AFF2: variants seen among roughly 807,000 people sequenced by gnomAD.
AFF2 encodes AF4/FMR2 family member 2.
In AFF2, 14 loss-of-function variants were observed where a neutral mutation model predicts 76.9. The observed-to-expected ratio is 0.18, with a 90% CI of 0.12 to 0.28. The LOEUF is 0.28. Ranked by LOEUF, AFF2 falls within the 10% of genes least tolerant of loss-of-function variation. AFF2 has a pLI of 1.00. For missense variants in AFF2, 868 were observed against 1,001.1 expected (o/e 0.87, Z 1.79); for synonymous variants, 398 against 366.7 (o/e 1.09, Z -0.98).
chrX:148,752,126 AG>A (rs1374645347), intron 3 of AFF2, among the ~76,000 whole-genome samples: 1 of 110,906 alleles, frequency 9.0e-6, no homozygotes, highest in East Asian at 2.9e-4. Context: ...CTAATACCAT[AG>A]TATTGAGGGT....
intron 1 of AFF2, among the ~76,000 whole-genome samples, chrX:148,503,362 C>T (rs1557232108): frequency 8.9e-6 from 1 of 111,831 alleles, no homozygotes; most frequent in East Asian, 2.8e-4. Flanking sequence ...GTTACGTGTT[C>T]ATTATATGTT....
chrX:148,954,402 C>T (rs1300854638), intron 10 of AFF2, among the ~76,000 whole-genome samples: 1 of 111,299 alleles, frequency 9.0e-6, no homozygotes, highest in East Asian at 2.8e-4. Flanking sequence ...CCTCAACCCC[C>T]GGCTCTTCAT....
chrX:148,802,048 C>G (rs1478303588), intron 3 of AFF2, among the ~76,000 whole-genome samples: 1 of 112,313 alleles, frequency 8.9e-6, no homozygotes, highest in African/African-American at 3.2e-5. Context: ...TGACCCCATG[C>G]TTGCTTCCAT....
At chrX:148,893,119 A>G (rs1257585072) in intron 8 of AFF2, among the ~76,000 whole-genome samples, 1 of 112,483 alleles carries the variant, frequency 8.9e-6, no homozygotes, top group Non-Finnish European at 1.9e-5. Flanking sequence ...ATACATTGTC[A>G]TGCTCAAACT....
chrX:148,792,252 C>A (rs1160410284), intron 3 of AFF2, among the ~76,000 whole-genome samples: 1 of 111,895 alleles, frequency 8.9e-6, no homozygotes, highest in Non-Finnish European at 1.9e-5. Context: ...GCCTGGTACA[C>A]CTAAATGCTC....
chrX:148,547,511 G>A (rs1557238319), intron 1 of AFF2: 1 of 112,200 alleles, frequency 8.9e-6, no homozygotes, highest in Admixed American at 9.4e-5. Flanking sequence ...CAGACAGGCA[G>A]TACCAAAATG....
At chrX:148,728,154 C>T (rs903173505) in intron 3 of AFF2, among the ~76,000 whole-genome samples, 38 of 112,480 alleles carry the variant, frequency 3.4e-4, no homozygotes, top group African/African-American at 1.1e-3. Context: ...ACAGCGTCAT[C>T]GGGTTTACTG....
rs937714682 is a variant in AFF2 at position 148,536,132 on chromosome X, C to A, written c.47+34988C>A. Among the ~76,000 whole-genome samples, 3 of 109,676 alleles carry A rather than the reference C, an allele frequency of 2.7e-5. No individual in the cohort carries two copies. The Admixed American group carries it at 2.9e-4, about 11-fold the overall frequency. On this transcript the variant is annotated intron_variant, in intron 1 of 20. Coordinates refer to ENST00000370460, the MANE Select transcript of AFF2 (RefSeq NM_002025.4). ...GGCTGAGGCAAGAGAATCGCTTGAA[C>A]CCAGGAGGTGGAGGTTGCAGTGGGC...
chrX:148,699,589 G>T (rs1462254047), intron 3 of AFF2, among the ~76,000 whole-genome samples: 3 of 111,394 alleles, frequency 2.7e-5, no homozygotes, highest in Admixed American at 9.6e-5. Flanking sequence ...GGAAAGTCAT[G>T]ACTCTTGGTA....
At chrX:148,959,020 C>A (rs1030751409) in intron 12 of AFF2, among the ~76,000 whole-genome samples, 1 of 102,564 alleles carries the variant, frequency 9.8e-6, no homozygotes, top group Non-Finnish European at 2.0e-5. Context: ...AAAAAGCTGT[C>A]TTTTCCTGAC....
At position 148,991,362 on chromosome X, in the gene AFF2, C is replaced by T. The variant is rs938957331; in HGVS notation, c.*30C>T. On this transcript the variant is annotated 3_prime_UTR_variant, in exon 21 of 21. Coordinates refer to ENST00000370460, the MANE Select transcript of AFF2 (RefSeq NM_002025.4). ...TGTTCTCAGATCTCTAGCATCACGA[C>T]CCATCACTCTACCTCTACCAGCGCA... The T allele has an allele frequency of 8.5e-7, 1 of 1,176,762 alleles. No homozygotes were observed. Among genetic ancestry groups the T allele is most frequent in the South Asian group, 1.9e-5 (1 of 51,284 alleles).
chrX:148,569,747 A>G (rs1413747236), intron 1 of AFF2, among the ~76,000 whole-genome samples: 2 of 111,530 alleles, frequency 1.8e-5, no homozygotes, highest in Non-Finnish European at 3.8e-5. Context: ...TTGGTTGTCT[A>G]GCACAGGTTG....
rs782658956 is a variant in AFF2, at chrX:148,580,645, G to A, written c.48-71354G>A. Reference sequence around the variant, plus strand: ...TTCATTCAGATGAAGTTGTAGAAAAGACCAAAACAAAATTTTAAAGAAAAT... The same window carrying A: ...TTCATTCAGATGAAGTTGTAGAAAAAACCAAAACAAAATTTTAAAGAAAAT... On this transcript the variant is annotated intron_variant, in intron 1 of 20. Transcript: ENST00000370460. Among the ~76,000 whole-genome samples the A allele has an allele frequency of 3.6e-5, 4 of 110,170 alleles. No homozygotes were observed. In the East Asian group the frequency reaches 8.7e-4, roughly 24 times the overall value.
intron 3 of AFF2, among the ~76,000 whole-genome samples, chrX:148,785,559 AG>A (rs2124617212): frequency 8.9e-6 from 1 of 111,995 alleles, no homozygotes; most frequent in Non-Finnish European, 1.9e-5. Context: ...TCTGTGGGTC[AG>A]GGGCTGGTTG....
chrX:148,724,285 A>G (rs2055129424), intron 3 of AFF2, among the ~76,000 whole-genome samples: 1 of 110,587 alleles, frequency 9.0e-6, no homozygotes, highest in African/African-American at 3.3e-5. Flanking sequence ...TGTTTAGGCC[A>G]TGGTAACAAA....
At chrX:148,658,277 T>A (rs1394144755) in intron 2 of AFF2, among the ~76,000 whole-genome samples, 1 of 112,146 alleles carries the variant, frequency 8.9e-6, no homozygotes, top group African/African-American at 3.2e-5. Context: ...ACCATATGGA[T>A]CTTCCTTCAA....
chrX:148,847,425 G>A (rs2070680632), intron 7 of AFF2, among the ~76,000 whole-genome samples: 1 of 111,973 alleles, frequency 8.9e-6, no homozygotes, highest in South Asian at 3.8e-4. Flanking sequence ...ACTATGTCCA[G>A]GTGGAAACCA....
chrX:148,867,083 A>G (rs1051151492), intron 7 of AFF2, among the ~76,000 whole-genome samples: 4 of 112,225 alleles, frequency 3.6e-5, no homozygotes, highest in Non-Finnish European at 5.6e-5. Flanking sequence ...TCTAAAGAAA[A>G]AGAAACCTGT....
chrX:148,603,688 A>G (rs1397133808), intron 1 of AFF2, among the ~76,000 whole-genome samples: 1 of 110,287 alleles, frequency 9.1e-6, no homozygotes, highest in Non-Finnish European at 1.9e-5. Flanking sequence ...TATTTCAGGA[A>G]CATTTTCTTT....
Sources: allele counts gnomAD v4.1 joint callset (sites outside exome capture counted in the v4.1 genomes callset), GRCh38; gene constraint gnomAD v4.1.1; transcripts MANE v1.5; gene names NCBI Gene and HGNC (gene_info 2026-07-23, HGNC 2026-07-21).